The following SHROOM3 variants were observed in gnomAD, a reference collection of about 807,000 sequenced individuals.
The protein encoded by SHROOM3 is protein Shroom3.
SHROOM3 carries 47 observed loss-of-function variants against 138.6 expected under a neutral mutation model. The ratio of observed to expected loss-of-function variants is 0.34; its 90% CI spans 0.27 to 0.43. The LOEUF is 0.43. Among genes scored for constraint, SHROOM3 ranks in the 20% least tolerant of loss-of-function variants. SHROOM3 has a pLI of 1.00. For synonymous variants in SHROOM3, 1,062 were observed against 1,063.3 expected (o/e 1.00, Z 0.02); for missense variants, 2,491 against 2,596.5 (o/e 0.96, Z 0.88).
Position 76,738,864 on chromosome 4 carries a change from G to A in SHROOM3, c.691G>A (p.Ala231Thr), listed in dbSNP as rs1046155029. 2.8e-5 allele frequency: 46 copies of A among 1,614,096 alleles called. No homozygotes were observed. Among genetic ancestry groups the A allele is most frequent in the Non-Finnish European group, 3.8e-5 (45 of 1,180,034 alleles). Residue 231 changes from alanine to threonine, a missense_variant, in exon 5 of 11, where the codon GCA (alanine) becomes ACA (threonine). Ala to Thr is a moderately conservative substitution (Grantham distance 58, BLOSUM62 0). Around this residue, in one of 4 missense-constraint regions of SHROOM3, gnomAD observed 284 missense variants for 322.8 expected, o/e 0.88. Coordinates refer to ENST00000296043, the MANE Select transcript of SHROOM3 (RefSeq NM_020859.4). The stretch of plus-strand genomic sequence containing the variant: ...CATGGAGAGCCTGGAGCCCAGTGGG[G>A]CATACCCACCCTGTCATCTTTCCCC... ...GSMESLEPSG[A>T]YPPCHLSPAK...
chr4:76,769,741 T>G (rs924589726), intron 9 of SHROOM3, among the ~76,000 whole-genome samples: 2 of 152,190 alleles, frequency 1.3e-5, no homozygotes, highest in African/African-American at 2.4e-5. Context: ...TGTCTTAGTT[T>G]CCTCCCTTAT....
At chr4:76,561,483 G>C (rs780380770) in intron 2 of SHROOM3, among the ~76,000 whole-genome samples, 8 of 152,038 alleles carry the variant, frequency 5.3e-5, no homozygotes, top group Non-Finnish European at 1.0e-4. Context: ...TTCAGCCCTT[G>C]AGTCTCTGCC....
intron 2 of SHROOM3, among the ~76,000 whole-genome samples, chr4:76,627,741 T>C (rs372599890): frequency 1.2e-3 from 189 of 151,676 alleles, no homozygotes; most frequent in African/African-American, 4.3e-3. Flanking sequence ...GGCATGATCA[T>C]CATGCACTGC....
At chr4:76,643,881 G>T (rs138549268) in intron 2 of SHROOM3, among the ~76,000 whole-genome samples, 1 of 151,828 alleles carries the variant, frequency 6.6e-6, no homozygotes, top group African/African-American at 2.4e-5. Context: ...TTTTGCTCTT[G>T]TTGCCCAGGC....
In SHROOM3 at chr4:76,691,567, A is replaced by C. The variant is rs565304550; in HGVS notation, c.324-18589A>C. Among the ~76,000 whole-genome samples, 3 of 152,290 alleles carry C rather than the reference A, an allele frequency of 2.0e-5. No homozygotes were observed. In the South Asian group the frequency reaches 6.2e-4, roughly 32 times the overall value. ...TTTCTATTATGGATAGAAAATCAAC[A>C]ATGATTTAACTGCTTTCTGGGAAGG... On this transcript the variant is annotated intron_variant, in intron 2 of 10. Coordinates refer to ENST00000296043, the MANE Select transcript of SHROOM3 (RefSeq NM_020859.4).
intron 1 of SHROOM3, among the ~76,000 whole-genome samples, chr4:76,546,579 G>A (rs1477764885): frequency 1.3e-5 from 2 of 152,212 alleles, no homozygotes; most frequent in Non-Finnish European, 2.9e-5. Context: ...TGCCCACTGG[G>A]TTGTGAGTAA....
intron 1 of SHROOM3, among the ~76,000 whole-genome samples, chr4:76,477,465 C>T (rs921487306): frequency 6.6e-6 from 1 of 152,080 alleles, no homozygotes. Flanking sequence ...TGCCCAGATG[C>T]TCAAAGCCAT....
At chr4:76,481,044 T>G (rs766906036) in intron 1 of SHROOM3, among the ~76,000 whole-genome samples, 14 of 152,192 alleles carry the variant, frequency 9.2e-5, no homozygotes, top group Non-Finnish European at 1.9e-4. Context: ...AGATTTAAGA[T>G]AGACACCCTA....
chr4:76,666,128 GTAC>G (rs975155670), intron 2 of SHROOM3, among the ~76,000 whole-genome samples: 1 of 152,198 alleles, frequency 6.6e-6, no homozygotes, highest in African/African-American at 2.4e-5. Flanking sequence ...ACTTACGGTG[GTAC>G]CTCTAAAATC....
chr4:76,593,072 C>G (rs1308233971), intron 2 of SHROOM3, among the ~76,000 whole-genome samples: 1 of 152,162 alleles, frequency 6.6e-6, no homozygotes, highest in Non-Finnish European at 1.5e-5. Context: ...GACAGGGAAT[C>G]CTTTTCTCCA....
At chr4:76,705,418 G>T (rs1241287708) in intron 2 of SHROOM3, among the ~76,000 whole-genome samples, 1 of 152,184 alleles carries the variant, frequency 6.6e-6, no homozygotes, top group Non-Finnish European at 1.5e-5. Flanking sequence ...GATCACTTGA[G>T]CCTGGGAGGT....
At position 76,435,777 on chromosome 4, in the gene SHROOM3, A is replaced by G. The variant is rs545845540; in HGVS notation, c.-276A>G. The G allele has an allele frequency of 5.3e-6, 2 of 380,276 alleles. No individual in the cohort carries two copies. Among genetic ancestry groups the G allele is most frequent in the South Asian group, 4.7e-5 (1 of 21,104 alleles). The allele number at this position is 380,276 out of a possible 1,614,324, so 23.6% of individuals were successfully genotyped here. A position where few individuals can be genotyped will look rare whatever the true frequency, so the allele number is the denominator to read the frequency against. On this transcript the variant is annotated 5_prime_UTR_variant, in exon 1 of 11. Transcript: ENST00000296043. ...CACTGAAGGAAGTTTTGACGAACGG[A>G]GTAGAGATGTATACCACTTGGGGGC...
intron 1 of SHROOM3, among the ~76,000 whole-genome samples, chr4:76,500,781 T>TTTTTA (rs1553918247): frequency 8.6e-5 from 13 of 151,828 alleles, no homozygotes; most frequent in African/African-American, 3.1e-4. Context: ...TCTTTTACCC[T>TTTTTA]TTTTCTTTTC....
intron 1 of SHROOM3, among the ~76,000 whole-genome samples, chr4:76,452,735 GA>G (rs1730950058): frequency 6.6e-6 from 1 of 152,084 alleles, no homozygotes; most frequent in Admixed American, 6.5e-5. Context: ...TTTTGTTTTT[GA>G]GACAGAGTTT....
At chr4:76,536,807 TG>T (rs1267327697) in intron 1 of SHROOM3, among the ~76,000 whole-genome samples, 2 of 152,188 alleles carry the variant, frequency 1.3e-5, no homozygotes, top group East Asian at 3.9e-4. Context: ...CAGCCTTTGC[TG>T]AACTTATAAA....
intron 1 of SHROOM3, among the ~76,000 whole-genome samples, chr4:76,474,133 T>G (rs187979765): frequency 6.6e-6 from 1 of 152,370 alleles, no homozygotes; most frequent in African/African-American, 2.4e-5. Flanking sequence ...TACTGATTCA[T>G]GCTACAGCAC....
intron 1 of SHROOM3, among the ~76,000 whole-genome samples, chr4:76,450,324 AT>A (rs1730900752): frequency 6.6e-6 from 1 of 152,222 alleles, no homozygotes; most frequent in African/African-American, 2.4e-5. Flanking sequence ...GGAGAAACAG[AT>A]GGCCATTTCT....
chr4:76,646,225 A>AATAAATAAATATATATATAT (rs61374645), intron 2 of SHROOM3, among the ~76,000 whole-genome samples: 12 of 96,236 alleles, frequency 1.2e-4, no homozygotes, highest in East Asian at 4.4e-4. Flanking sequence ...ATAATAAATA[A>AATAAATAAATATATATATAT]ATATATATAT....
intron 1 of SHROOM3, among the ~76,000 whole-genome samples, chr4:76,526,211 A>G (rs1560534083): frequency 6.6e-6 from 1 of 152,104 alleles, no homozygotes; most frequent in Non-Finnish European, 1.5e-5. Flanking sequence ...TACTAAAAAT[A>G]CAAAAATTAG....
Sources: allele counts gnomAD v4.1 joint callset (sites outside exome capture counted in the v4.1 genomes callset), GRCh38; gene constraint gnomAD v4.1.1; regional missense constraint gnomAD v4.1.1; transcripts MANE v1.5; gene names NCBI Gene and HGNC (gene_info 2026-07-23, HGNC 2026-07-21).